The following PPARGC1A variants were observed in gnomAD, a reference collection of about 807,000 sequenced individuals.
The protein encoded by PPARGC1A is peroxisome proliferator-activated receptor gamma coactivator 1-alpha.
In PPARGC1A, 25 loss-of-function variants were observed where a neutral mutation model predicts 88.7. That is an observed-to-expected ratio of 0.28 (90% CI 0.21 to 0.39). The LOEUF is 0.39. PPARGC1A is among the 10% of genes least tolerant of loss of function. PPARGC1A has a pLI of 1.00. For missense variants in PPARGC1A, 880 were observed against 968.7 expected (o/e 0.91, Z 1.22); for synonymous variants, 363 against 355.6 (o/e 1.02, Z -0.24).
At chr4:24,468,207 G>A in the PPARGC1A span, among the ~76,000 whole-genome samples, 2 of 152,196 alleles carry the variant, frequency 1.3e-5, no homozygotes, top group African/African-American at 4.8e-5. Context: ...ACAGGAAGCC[G>A]AAACAACTAC....
the PPARGC1A span, among the ~76,000 whole-genome samples, chr4:24,036,839 T>C: frequency 6.6e-6 from 1 of 152,254 alleles, no homozygotes; most frequent in Non-Finnish European, 1.5e-5. Flanking sequence ...TAATGTACTT[T>C]ATACACTTTA....
intron 1 of PPARGC1A, chr4:23,889,005 T>C (rs1717373567): frequency 3.0e-6 from 3 of 985,400 alleles, no homozygotes; most frequent in Admixed American, 6.1e-5. Flanking sequence ...GAGCATTCCA[T>C]TGTGCTGAAT....
chr4:23,903,410 T>C (rs1161738064), upstream of PPARGC1A, among the ~76,000 whole-genome samples: 1 of 152,198 alleles, frequency 6.6e-6, no homozygotes, highest in Non-Finnish European at 1.5e-5. Flanking sequence ...ATGGCATTAT[T>C]AAAATAATGA....
chr4:24,192,386 G>A, the PPARGC1A span, among the ~76,000 whole-genome samples: 6 of 152,246 alleles, frequency 3.9e-5, no homozygotes, highest in Middle Eastern at 3.4e-3. Context: ...AAAAATGTAC[G>A]CCTTACCCCC....
chr4:24,229,152 C>CTTTTTTTTTTTTTTTTT, the PPARGC1A span, among the ~76,000 whole-genome samples: 248 of 60,898 alleles, frequency 4.1e-3, 53 homozygotes, highest in East Asian at 0.033. Flanking sequence ...GTATCTGGAC[C>CTTTTTTTTTTTTTTTTT]TTTTTTTTTT....
the PPARGC1A span, among the ~76,000 whole-genome samples, chr4:24,019,596 G>C: frequency 6.6e-6 from 1 of 152,154 alleles, no homozygotes; most frequent in Non-Finnish European, 1.5e-5. Flanking sequence ...GTGTATCTAA[G>C]GGTTGAGTTT....
chr4:24,232,187 G>A, the PPARGC1A span, among the ~76,000 whole-genome samples: 1 of 149,254 alleles, frequency 6.7e-6, no homozygotes. Context: ...TCTTGAGAGA[G>A]GGACAGGAAG....
the PPARGC1A span, among the ~76,000 whole-genome samples, chr4:24,377,911 C>G: frequency 6.6e-6 from 1 of 152,180 alleles, no homozygotes; most frequent in African/African-American, 2.4e-5. Context: ...ACCTAGCTAA[C>G]TCTCCAGGTC....
At chr4:23,896,051 G>A (rs560451270) in intron 1 of PPARGC1A, among the ~76,000 whole-genome samples, 1 of 148,754 alleles carries the variant, frequency 6.7e-6, no homozygotes, top group African/African-American at 2.5e-5. Context: ...ATATTTAATA[G>A]CATAATGGGA....
At chr4:24,186,944 A>G in the PPARGC1A span, among the ~76,000 whole-genome samples, 1 of 152,256 alleles carries the variant, frequency 6.6e-6, no homozygotes. Context: ...CTATTTGCGG[A>G]AAAGCTTAAT....
the PPARGC1A span, among the ~76,000 whole-genome samples, chr4:23,951,848 T>C: frequency 6.6e-6 from 1 of 152,204 alleles, no homozygotes; most frequent in Non-Finnish European, 1.5e-5. Flanking sequence ...AGGAGTCTAA[T>C]GATCATATTC....
the PPARGC1A span, among the ~76,000 whole-genome samples, chr4:24,255,832 C>T: frequency 5.2e-4 from 79 of 152,286 alleles, no homozygotes; most frequent in African/African-American, 1.8e-3. Context: ...CGCTCCACTG[C>T]CCTGTGCTTC....
chr4:24,435,088 C>T, the PPARGC1A span, among the ~76,000 whole-genome samples: 1 of 152,202 alleles, frequency 6.6e-6, no homozygotes, highest in Middle Eastern at 3.2e-3. Context: ...TTTGCTTTAA[C>T]TCTTTTTCCT....
chr4:24,178,741 T>C, the PPARGC1A span, among the ~76,000 whole-genome samples: 1 of 152,238 alleles, frequency 6.6e-6, no homozygotes, highest in African/African-American at 2.4e-5. Context: ...CTGAGCTTTG[T>C]TGCGAATGCT....
chr4:24,417,024 C>A, the PPARGC1A span, among the ~76,000 whole-genome samples: 10 of 118,252 alleles, frequency 8.5e-5, no homozygotes, highest in South Asian at 2.1e-3. Context: ...AGCGAGATTC[C>A]ATCTCAAAAA....
the PPARGC1A span, among the ~76,000 whole-genome samples, chr4:23,941,620 T>C: frequency 6.6e-6 from 1 of 152,166 alleles, no homozygotes. Context: ...GTGATGGATT[T>C]CCATGTCAGA....
chr4:24,289,457 C>A, the PPARGC1A span, among the ~76,000 whole-genome samples: 10 of 152,194 alleles, frequency 6.6e-5, no homozygotes, highest in African/African-American at 2.4e-4. Context: ...TTCTTCTTCT[C>A]TACTTCACCA....
the PPARGC1A span, among the ~76,000 whole-genome samples, chr4:24,022,340 T>A: frequency 6.6e-6 from 1 of 152,064 alleles, no homozygotes; most frequent in Non-Finnish European, 1.5e-5. Flanking sequence ...TGTCTTTCCC[T>A]CCCCGAGTGC....
chr4:24,249,207 C>T, the PPARGC1A span, among the ~76,000 whole-genome samples: 1 of 152,078 alleles, frequency 6.6e-6, no homozygotes, highest in Non-Finnish European at 1.5e-5. Flanking sequence ...TGGAAACTTC[C>T]CAGATATAAA....
Sources: allele counts gnomAD v4.1 joint callset (sites outside exome capture counted in the v4.1 genomes callset), GRCh38; gene constraint gnomAD v4.1.1; transcripts MANE v1.5; gene names NCBI Gene and HGNC (gene_info 2026-07-23, HGNC 2026-07-21).